The following LRP1B variants were observed in gnomAD, a reference collection of about 807,000 sequenced individuals.
LRP1B encodes low-density lipoprotein receptor-related protein 1B.
A neutral mutation model predicts 556.6 loss-of-function variants in LRP1B; 217 were observed. The observed-to-expected ratio is 0.39, with a 90% CI of 0.35 to 0.44. LRP1B has a LOEUF of 0.44. Among genes scored for constraint, LRP1B ranks in the 20% least tolerant of loss-of-function variants. LRP1B has a pLI of 1.00. For missense variants in LRP1B, 5,053 were observed against 5,620.8 expected, an observed-to-expected ratio of 0.90 and a Z score of 3.23; for synonymous variants, 2,047 against 1,865.8, an observed-to-expected ratio of 1.10 and a Z score of -2.50.
rs554492697 is a variant in LRP1B at position 142,023,914 on chromosome 2, T to C, written c.82+106734A>G. On this transcript the variant is annotated intron_variant, in intron 1 of 90. Transcript: ENST00000389484. ...TCCCTCTAGTTTTGCTTTTAATTTA[T>C]ATAATACTACTACTTATTTTCTCTC... Among the ~76,000 whole-genome samples the C allele has an allele frequency of 2.0e-5, 3 of 152,350 alleles. No homozygotes were observed. The South Asian group carries it at 6.2e-4, about 32-fold the overall frequency.
chr2:141,605,983 C>A (rs1687905910), intron 2 of LRP1B, among the ~76,000 whole-genome samples: 1 of 152,018 alleles, frequency 6.6e-6, no homozygotes, highest in Non-Finnish European at 1.5e-5. Flanking sequence ...AAATAAATCA[C>A]CTTCAGGCCT....
At chr2:141,035,404 G>A (rs908688544) in intron 11 of LRP1B, among the ~76,000 whole-genome samples, 1 of 151,936 alleles carries the variant, frequency 6.6e-6, no homozygotes, top group Non-Finnish European at 1.5e-5. Context: ...GTTATAGAGT[G>A]CAAAGTAAAG....
intron 43 of LRP1B, among the ~76,000 whole-genome samples, chr2:140,570,662 C>T (rs1418299450): frequency 2.0e-5 from 3 of 151,582 alleles, no homozygotes; most frequent in Non-Finnish European, 3.0e-5. Context: ...TTCCTCAAAT[C>T]TCATTTTATA....
chr2:141,131,109 T>C (rs2105026308), intron 7 of LRP1B, among the ~76,000 whole-genome samples: 1 of 152,184 alleles, frequency 6.6e-6, no homozygotes, highest in East Asian at 1.9e-4. Context: ...AACAAACATG[T>C]TCTGCACTTG....
intron 66 of LRP1B, among the ~76,000 whole-genome samples, chr2:140,390,768 TCACACACA>T (rs70985096): frequency 2.0e-3 from 283 of 143,694 alleles, no homozygotes; most frequent in Middle Eastern, 3.5e-3. Context: ...AATAGAAACT[TCACACACA>T]CACACACACA....
intron 6 of LRP1B, among the ~76,000 whole-genome samples, chr2:141,208,607 C>G (rs990340343): frequency 1.3e-5 from 2 of 152,016 alleles, no homozygotes; most frequent in Non-Finnish European, 2.9e-5. Context: ...GGGGCTCACG[C>G]CTGTAATCCC....
At chr2:141,473,947 AAAC>A (rs148880865) in intron 3 of LRP1B, among the ~76,000 whole-genome samples, 67,360 of 151,488 alleles carry the variant, frequency 0.44, 15,268 homozygotes, top group Non-Finnish European at 0.49. Context: ...GTAAAATTAA[AAAC>A]AACAATAAAG....
chr2:140,318,832 TAATAA>T (rs1207700053), intron 82 of LRP1B, among the ~76,000 whole-genome samples: 1 of 152,138 alleles, frequency 6.6e-6, no homozygotes, highest in Non-Finnish European at 1.5e-5. Flanking sequence ...AATTACTAGA[TAATAA>T]AATCTGAAGA....
chr2:141,235,426 T>C (rs1173642852), intron 5 of LRP1B, among the ~76,000 whole-genome samples: 1 of 152,130 alleles, frequency 6.6e-6, no homozygotes, highest in Non-Finnish European at 1.5e-5. Context: ...TATCATCTCA[T>C]TGAGTTTCAA....
chr2:141,241,649 T>C (rs1020059028), intron 5 of LRP1B, among the ~76,000 whole-genome samples: 2 of 152,104 alleles, frequency 1.3e-5, no homozygotes, highest in African/African-American at 2.4e-5. Flanking sequence ...CTGAATGTTC[T>C]AGAAATTGCT....
At chr2:142,034,440 C>T (rs1411838605) in intron 1 of LRP1B, among the ~76,000 whole-genome samples, 3 of 151,648 alleles carry the variant, frequency 2.0e-5, no homozygotes, top group Admixed American at 2.0e-4. Context: ...TGCACTGTTC[C>T]CTCTGCACAT....
chr2:141,485,493 G>T (rs543487463), intron 2 of LRP1B, among the ~76,000 whole-genome samples: 17 of 152,220 alleles, frequency 1.1e-4, no homozygotes, highest in Admixed American at 2.6e-4. Context: ...TCAGTATTTT[G>T]TTGTTCTTTC....
At chr2:141,089,139 T>A (rs1700115733) in intron 7 of LRP1B, among the ~76,000 whole-genome samples, 1 of 152,152 alleles carries the variant, frequency 6.6e-6, no homozygotes, top group Non-Finnish European at 1.5e-5. Flanking sequence ...TAGCCTCAAA[T>A]CCATTATAGT....
chr2:141,243,469 G>T (rs933936941), intron 5 of LRP1B, among the ~76,000 whole-genome samples: 1 of 152,080 alleles, frequency 6.6e-6, no homozygotes. Flanking sequence ...GCAATAGTGT[G>T]AGACTACATC....
At chr2:140,849,198 TACAAA>T (rs1385757080) in intron 29 of LRP1B, among the ~76,000 whole-genome samples, 3 of 16,918 alleles carry the variant, frequency 1.8e-4, no homozygotes, top group African/African-American at 2.8e-4. Context: ...CTACTAAAAA[TACAAA>T]AAAAAAAAAA....
intron 7 of LRP1B, among the ~76,000 whole-genome samples, chr2:141,100,773 T>C (rs1473525945): frequency 6.6e-6 from 1 of 152,036 alleles, no homozygotes; most frequent in South Asian, 2.1e-4. Context: ...TTGCCCCTGA[T>C]GCTTGGGAGT....
intron 2 of LRP1B, among the ~76,000 whole-genome samples, chr2:141,509,988 A>G (rs1182269723): frequency 6.6e-6 from 1 of 152,146 alleles, no homozygotes; most frequent in Non-Finnish European, 1.5e-5. Flanking sequence ...TATCATTTAG[A>G]AAACTCAGTA....
intron 6 of LRP1B, among the ~76,000 whole-genome samples, chr2:141,217,690 G>T (rs547026313): frequency 1.3e-5 from 2 of 152,162 alleles, no homozygotes; most frequent in East Asian, 1.9e-4. Flanking sequence ...AAGAATTTTT[G>T]ACTAAGTCCT....
At chr2:142,082,513 C>G (rs567608955) in intron 1 of LRP1B, among the ~76,000 whole-genome samples, 20 of 152,284 alleles carry the variant, frequency 1.3e-4, no homozygotes, top group African/African-American at 4.8e-4. Context: ...AGCAGCCACA[C>G]TGGCTGATTT....
Sources: allele counts gnomAD v4.1 joint callset (sites outside exome capture counted in the v4.1 genomes callset), GRCh38; gene constraint gnomAD v4.1.1; transcripts MANE v1.5; gene names NCBI Gene and HGNC (gene_info 2026-07-23, HGNC 2026-07-21).